The following CLUH variants were observed in gnomAD, a reference collection of about 807,000 sequenced individuals.
CLUH encodes clustered mitochondria protein homolog.
Under a neutral mutation model 139.3 loss-of-function variants are expected in CLUH, and 77 were observed. The observed-to-expected ratio is 0.55, with a 90% CI of 0.46 to 0.67. The LOEUF (loss-of-function observed/expected upper bound fraction) is 0.67, where lower values mean the gene tolerates loss of function less well. Among genes scored for constraint, CLUH ranks in the 30% least tolerant of loss-of-function variants. The probability of loss-of-function intolerance (pLI) is 0.00; values close to 1 mark genes in which losing one functional copy is unlikely to be tolerated. For synonymous variants in CLUH, 999 were observed against 801.6 expected (o/e 1.25, Z -4.16); for missense variants, 1,876 against 1,875.8 (o/e 1.00, Z 0.00).
In CLUH at chr17:2,700,428, C is replaced by T. The variant is rs774872170; in HGVS notation, c.1220G>A (p.Arg407His). Residue 407 changes from arginine to histidine, a missense_variant, in exon 9 of 26, where the codon CGC becomes CAC. Transcript: ENST00000651024. ...EELQTTRELPRKNLPERLLRE... is the reference protein window; with the variant it reads ...EELQTTRELPHKNLPERLLRE... ...GAGCAGCCGCTCAGGCAGGTTCTTG[C>T]GAGGCAGCTCCCTCGTCGTCTGCAG... is the stretch of plus-strand genomic sequence containing the variant. 13 of 1,613,198 alleles carry T rather than the reference C, an allele frequency of 8.1e-6. No individual in the cohort carries two copies. The highest frequency in any genetic ancestry group is 6.7e-5 in the African/African-American group (5 of 74,914).
At chr17:2,694,642 G>A (rs926803495) in intron 16 of CLUH, 78 bp from the exon 17 acceptor site, 9 of 1,348,650 alleles carry the variant, frequency 6.7e-6, no homozygotes, top group Admixed American at 6.3e-5. Context: ...GCTCCCCAAC[G>A]CTGTCCAGCC....
intron 1 of CLUH, among the ~76,000 whole-genome samples, chr17:2,709,811 T>C (rs1260003573): frequency 6.6e-6 from 1 of 152,114 alleles, no homozygotes; most frequent in Non-Finnish European, 1.5e-5. Flanking sequence ...CTTCTTTCAA[T>C]AGATCCGGGC....
rs77396976 is a variant in CLUH, at chr17:2,697,749, G to C, written c.1961+147C>G. ...GGGAGCCTGACAGCAGGGCAGGTGGGGACGGGTCTCCAATGACTGTGGCTA... is the reference window on the plus strand; with the variant it reads ...GGGAGCCTGACAGCAGGGCAGGTGGCGACGGGTCTCCAATGACTGTGGCTA... On this transcript the variant is annotated intron_variant, in intron 10 of 25. Coordinates refer to ENST00000651024, the MANE Select transcript of CLUH (RefSeq NM_001366661.1). 3,250 of 777,966 alleles carry C rather than the reference G, an allele frequency of 4.2e-3. 50 individuals carry two copies. Among genetic ancestry groups the C allele is most frequent in the African/African-American group, 0.036 (2,037 of 56,354 alleles). The allele number at this position is 777,966 out of a possible 1,614,324, so 48.2% of individuals were successfully genotyped here. A position where few individuals can be genotyped will look rare whatever the true frequency, so the allele number is the denominator to read the frequency against.
chr17:2,710,418 G>A (rs149648230), intron 1 of CLUH, among the ~76,000 whole-genome samples: 111 of 152,350 alleles, frequency 7.3e-4, no homozygotes, highest in African/African-American at 2.6e-3. Flanking sequence ...AGGGCTGAAC[G>A]CTGTCCCCAT....
At chr17:2,702,168 C>G (rs1428258906) in intron 3 of CLUH, 111 bp from the exon 4 acceptor site, 1 of 1,344,340 alleles carries the variant, frequency 7.4e-7, no homozygotes, top group Non-Finnish European at 1.0e-6. Flanking sequence ...TAATTTTCAA[C>G]TTTAGGTTTC....
chr17:2,695,993 A>C lies in CLUH; in HGVS notation c.2391+166T>G, dbSNP rs370108866. 91 of 627,120 alleles carry C rather than the reference A, an allele frequency of 1.5e-4. 1 individual carries two copies. In the East Asian group the frequency reaches 2.1e-3, roughly 14 times the overall value. The allele number at this position is 627,120 out of a possible 1,614,324, so 38.8% of individuals were successfully genotyped here. A position where few individuals can be genotyped will look rare whatever the true frequency, so the allele number is the denominator to read the frequency against. Reference sequence around the variant, plus strand: ...GGGCTCAGCAGGGCCTGTGCCCTTGACCTCTGGGGGTCAGGCTCCCCATCT... The same window carrying C: ...GGGCTCAGCAGGGCCTGTGCCCTTGCCCTCTGGGGGTCAGGCTCCCCATCT... On this transcript the variant is annotated intron_variant, in intron 13 of 25. Coordinates refer to ENST00000651024, the MANE Select transcript of CLUH (RefSeq NM_001366661.1).
intron 22 of CLUH, 69 bp downstream of exon 22, chr17:2,692,292 C>CT: frequency 6.8e-7 from 1 of 1,473,890 alleles, no homozygotes; most frequent in Non-Finnish European, 9.0e-7. Context: ...CACTGGGTCT[C>CT]TTCCCCGCCC....
rs1337879278 is a variant in CLUH at position 2,706,346 on chromosome 17, A to C, written c.101-1782T>G. On this transcript the variant is annotated intron_variant, in intron 1 of 25. Transcript: ENST00000651024. The surrounding 1 kb of genome is among the most constrained non-coding windows in gnomAD (Gnocchi z 4.6). Reference sequence around the variant, plus strand: ...GAGTCTCTTCCCCCTTACCCCAAAGAGGGGTATTTGAAGCCCAGAAAGGCT... The same window carrying C: ...GAGTCTCTTCCCCCTTACCCCAAAGCGGGGTATTTGAAGCCCAGAAAGGCT... 6.6e-6 allele frequency among the ~76,000 whole-genome samples: 1 copy of C among 152,038 alleles called. No individual in the cohort carries two copies. The highest frequency in any genetic ancestry group is 2.4e-5 in the African/African-American group (1 of 41,366).
intron 1 of CLUH, among the ~76,000 whole-genome samples, chr17:2,710,873 A>G (rs2070494364): frequency 6.6e-6 from 1 of 152,218 alleles, no homozygotes; most frequent in South Asian, 2.1e-4. Context: ...GTTCTGGCAC[A>G]AACACTTCCC....
At position 2,696,317 on chromosome 17, in the gene CLUH, G is replaced by C. The variant is rs1390072499; in HGVS notation, c.2291-58C>G. 6 of 1,516,830 alleles carry C rather than the reference G, an allele frequency of 4.0e-6. No individual in the cohort carries two copies. The East Asian group carries it at 1.2e-4, about 31-fold the overall frequency. The allele number at this position is 1,516,830 out of a possible 1,614,324, so 94.0% of individuals were successfully genotyped here. A position where few individuals can be genotyped will look rare whatever the true frequency, so the allele number is the denominator to read the frequency against. The stretch of plus-strand genomic sequence containing the variant: ...GCAGTGGCAAGACAAATGCCGCCTG[G>C]CGCTGGCGGGGGAAGCGCTCAGATG... On this transcript the variant is annotated intron_variant, in intron 12 of 25. Coordinates refer to ENST00000651024, the MANE Select transcript of CLUH (RefSeq NM_001366661.1).
At chr17:2,708,132 T>C (rs1247017279) in intron 1 of CLUH, 1 of 401,360 alleles carries the variant, frequency 2.5e-6, no homozygotes, top group East Asian at 1.6e-4. Context: ...ATGCTGCCAG[T>C]GCCCAGTAAG....
Position 2,701,752 on chromosome 17 carries a change from G to C in CLUH, c.620-15C>G. On this transcript the variant is annotated splice_polypyrimidine_tract_variant and intron_variant, in intron 4 of 25. Coordinates refer to ENST00000651024, the MANE Select transcript of CLUH (RefSeq NM_001366661.1). ...CTTCCCGCTGTCTGAGGGACCCGAG[G>C]CTGGTGGTCAGCACAGGGCCACCCA... The C allele has an allele frequency of 6.4e-7, 1 of 1,557,140 alleles. No homozygotes were observed. The highest frequency in any genetic ancestry group is 8.7e-7 in the Non-Finnish European group (1 of 1,152,040).
rs999667022 is a variant in CLUH at position 2,690,309 on chromosome 17, C to G, written c.*285G>C. The G allele has an allele frequency of 5.2e-6, 2 of 383,006 alleles. No individual in the cohort carries two copies. Among genetic ancestry groups the G allele is most frequent in the Non-Finnish European group, 9.3e-6 (2 of 215,510 alleles). The allele number at this position is 383,006 out of a possible 1,614,324, so 23.7% of individuals were successfully genotyped here. On this transcript the variant is annotated 3_prime_UTR_variant, in exon 26 of 26. Coordinates refer to ENST00000651024, the MANE Select transcript of CLUH (RefSeq NM_001366661.1). ...GCACTCGCACACGCCGGCCGGACGG[C>G]GGGGGCCGAAGCAACACCTGCCCCC...
chr17:2,700,488 A>T lies in CLUH; in HGVS notation c.1174-14T>A. The T allele has an allele frequency of 6.2e-7, 1 of 1,607,216 alleles. No individual in the cohort carries two copies. The highest frequency in any genetic ancestry group is 8.5e-7 in the Non-Finnish European group (1 of 1,177,916). The stretch of plus-strand genomic sequence containing the variant: ...CCAGTCTCGGGTCTGCAGAGAGATC[A>T]GGGAGGGAAAAACGAGCTCAGCCTG... On this transcript the variant is annotated splice_polypyrimidine_tract_variant and intron_variant, in intron 8 of 25. Coordinates refer to ENST00000651024, the MANE Select transcript of CLUH (RefSeq NM_001366661.1).
intron 25 of CLUH, among the ~76,000 whole-genome samples, chr17:2,691,228 C>T (rs1350196195): frequency 2.0e-5 from 3 of 152,162 alleles, no homozygotes; most frequent in Admixed American, 1.3e-4. Context: ...GAAGCAGAAA[C>T]ACCAAGGTCT....
intron 21 of CLUH, 43 bp from the exon 22 acceptor site, chr17:2,692,525 C>G (rs201783165): frequency 6.3e-7 from 1 of 1,599,334 alleles, no homozygotes; most frequent in Non-Finnish European, 8.5e-7. Context: ...TCCCGGTCCC[C>G]TGGGATGGAG....
chr17:2,697,854 T>C, intron 10 of CLUH, 42 bp downstream of exon 10: 1 of 1,442,584 alleles, frequency 6.9e-7, no homozygotes, highest in Non-Finnish European at 9.1e-7. Context: ...CCGCACTCCC[T>C]GCAGCTGGCC....
intron 10 of CLUH, among the ~76,000 whole-genome samples, chr17:2,697,616 C>G (rs2070006215): frequency 6.6e-6 from 1 of 152,194 alleles, no homozygotes; most frequent in African/African-American, 2.4e-5. Flanking sequence ...AGCACGGGGA[C>G]AGTCACAGCC....
chr17:2,694,867 C>G lies in CLUH; in HGVS notation c.2842G>C (p.Asp948His). 7.5e-7 allele frequency: 1 copy of G among 1,338,794 alleles called. No individual in the cohort carries two copies. 82.9% of individuals were successfully genotyped at this position (1,338,794 alleles called of 1,614,324 possible). Residue 948 changes from aspartate (D) to histidine (H), a missense_variant, in exon 16 of 26, where the codon GAC (aspartate) becomes CAC (histidine). By Grantham distance (81) the Asp-to-His change is moderately conservative. Coordinates refer to ENST00000651024, the MANE Select transcript of CLUH (RefSeq NM_001366661.1). ...CQEAKNYFDF[D>H]LECETVDQAV... ...CTGCCCCGCACGCACCACTCGAGGTCGAAGTCAAAGTAGTTCTTGGCCTCC... is the reference window on the plus strand; with the variant it reads ...CTGCCCCGCACGCACCACTCGAGGTGGAAGTCAAAGTAGTTCTTGGCCTCC...
Sources: gnomAD v4.1 joint callset for allele counts (sites outside exome capture counted in the v4.1 genomes callset) on GRCh38, gnomAD v4.1.1 for gene constraint, Gnocchi (gnomAD v3.1) non-coding constraint, MANE v1.5 for transcripts, NCBI Gene and HGNC (gene_info 2026-07-23, HGNC 2026-07-21) for gene names.